The following GNAO1 variants were observed in gnomAD, a reference collection of about 807,000 sequenced individuals.
GNAO1 encodes G protein subunit alpha o1.
For missense variants in GNAO1, 166 were observed against 478.7 expected (o/e 0.35, Z 6.10); for synonymous variants, 164 against 180.7 (o/e 0.91, Z 0.74).
chr16:56,191,782 T>A lies in GNAO1; in HGVS notation c.-454T>A. 1 of 217,134 alleles carries A rather than the reference T, an allele frequency of 4.6e-6. No homozygotes were observed. Among genetic ancestry groups the A allele is most frequent in the Non-Finnish European group, 9.0e-6 (1 of 110,922 alleles). The allele number at this position is 217,134 out of a possible 1,614,324, so 13.5% of individuals were successfully genotyped here. A position where few individuals can be genotyped will look rare whatever the true frequency, so the allele number is the denominator to read the frequency against. On this transcript the variant is annotated 5_prime_UTR_variant, in exon 1 of 9. Coordinates refer to ENST00000262493, the MANE Select transcript of GNAO1 (RefSeq NM_020988.3). The surrounding 1 kb of genome is among the most constrained non-coding windows in gnomAD (Gnocchi z 4.7). ...CGCCGCCGCCTCCTCCACCTCCTCC[T>A]CCGCCGCCGCCGCCTCCTCCTCCTC...
At chr16:56,327,149 A>G (rs1368204667) in intron 3 of GNAO1, among the ~76,000 whole-genome samples, 1 of 152,048 alleles carries the variant, frequency 6.6e-6, no homozygotes, top group Non-Finnish European at 1.5e-5. Context: ...CCAGCCACTT[A>G]GTTCTGCAGA....
chr16:56,264,181 T>G (rs1295028653), intron 2 of GNAO1, among the ~76,000 whole-genome samples: 1 of 152,248 alleles, frequency 6.6e-6, no homozygotes, highest in African/African-American at 2.4e-5. Flanking sequence ...GGTTGCAGTG[T>G]TGATGGCCAA....
chr16:56,204,717 G>A (rs1402871265), intron 2 of GNAO1, among the ~76,000 whole-genome samples: 1 of 152,200 alleles, frequency 6.6e-6, no homozygotes, highest in Non-Finnish European at 1.5e-5. Flanking sequence ...AGTTTCAGTG[G>A]AGGGAGAGGG....
At position 56,203,425 on chromosome 16, in the gene GNAO1, G is replaced by A. The variant is rs1365988400; in HGVS notation, c.161+10809G>A. On this transcript the variant is annotated intron_variant, in intron 2 of 8. Coordinates refer to ENST00000262493, the MANE Select transcript of GNAO1 (RefSeq NM_020988.3). The stretch of plus-strand genomic sequence containing the variant: ...GCTCTTTTCCCTGGGATCCCAGCAA[G>A]GTCCTCACTGGGCTGGAATGATGAA... Among the ~76,000 whole-genome samples the A allele has an allele frequency of 2.0e-5, 3 of 152,218 alleles. No individual in the cohort carries two copies. In the East Asian group the frequency reaches 5.8e-4, roughly 30 times the overall value.
intron 2 of GNAO1, among the ~76,000 whole-genome samples, chr16:56,217,049 T>C (rs1366886370): frequency 6.6e-6 from 1 of 152,250 alleles, no homozygotes; most frequent in Non-Finnish European, 1.5e-5. Flanking sequence ...GACATCTTTA[T>C]TGGGCAGAAA....
intron 3 of GNAO1, 146 bp downstream of exon 3, chr16:56,276,218 C>G (rs1319295552): frequency 6.4e-6 from 4 of 629,740 alleles, no homozygotes; most frequent in Non-Finnish European, 1.0e-5. Context: ...AGTCACCAAC[C>G]TAAGCCATTG....
intron 2 of GNAO1, among the ~76,000 whole-genome samples, chr16:56,266,256 A>C (rs1412363541): frequency 6.6e-6 from 1 of 152,110 alleles, no homozygotes; most frequent in Non-Finnish European, 1.5e-5. Flanking sequence ...CTGTTAGATG[A>C]GAAGAGGAGG....
At chr16:56,306,068 C>T (rs900108015) in intron 3 of GNAO1, among the ~76,000 whole-genome samples, 1 of 152,216 alleles carries the variant, frequency 6.6e-6, no homozygotes, top group Non-Finnish European at 1.5e-5. Flanking sequence ...AGATGAAGCT[C>T]GTGGATCAGC....
chr16:56,212,677 C>T (rs2036400792), intron 2 of GNAO1, among the ~76,000 whole-genome samples: 1 of 152,176 alleles, frequency 6.6e-6, no homozygotes. Flanking sequence ...ATCTATGACA[C>T]AGGATTAAGT....
chr16:56,208,446 TGTGC>T (rs58807062), intron 2 of GNAO1, among the ~76,000 whole-genome samples: 57,439 of 136,632 alleles, frequency 0.42, 10,874 homozygotes, highest in East Asian at 0.48. Context: ...TGTGTGTGTG[TGTGC>T]GCGCGCGCGC....
chr16:56,301,612 T>C (rs1433082673), intron 3 of GNAO1: 1 of 152,186 alleles, frequency 6.6e-6, no homozygotes, highest in African/African-American at 2.4e-5. Flanking sequence ...TTTTTTTAAT[T>C]TTTCAGTTGC....
chr16:56,257,775 G>A (rs1352097348), intron 2 of GNAO1, among the ~76,000 whole-genome samples: 1 of 152,180 alleles, frequency 6.6e-6, no homozygotes, highest in Non-Finnish European at 1.5e-5. Flanking sequence ...TGAGGCTGAT[G>A]CCATTAACTG....
chr16:56,340,741 C>A, intron 6 of GNAO1: 1 of 1,143,760 alleles, frequency 8.7e-7, no homozygotes, highest in South Asian at 1.4e-5. Context: ...CATTGGTGGA[C>A]CTTCCCTTTG....
chr16:56,328,117 A>G (rs983184216), intron 3 of GNAO1, among the ~76,000 whole-genome samples: 2 of 152,144 alleles, frequency 1.3e-5, no homozygotes, highest in East Asian at 3.9e-4. Flanking sequence ...TCTCTACCGA[A>G]ACGTCTGCTC....
intron 3 of GNAO1, among the ~76,000 whole-genome samples, chr16:56,306,168 T>C (rs1204988022): frequency 6.6e-6 from 1 of 152,204 alleles, no homozygotes; most frequent in Non-Finnish European, 1.5e-5. Flanking sequence ...TCACAGGTGT[T>C]GATGGGTGTC....
At chr16:56,347,396 C>T (rs2037880600) in intron 6 of GNAO1, 5 of 985,602 alleles carry the variant, frequency 5.1e-6, no homozygotes, top group Non-Finnish European at 6.0e-6. Flanking sequence ...GGAACAGGGC[C>T]GGCGTGTGAG....
chr16:56,197,063 A>C (rs2036239867), intron 2 of GNAO1, among the ~76,000 whole-genome samples: 1 of 152,240 alleles, frequency 6.6e-6, no homozygotes, highest in Non-Finnish European at 1.5e-5. Context: ...CTTAGCCAAA[A>C]GGCTGAGAAG....
At chr16:56,350,547 T>A (rs1596881387) in intron 6 of GNAO1, among the ~76,000 whole-genome samples, 2 of 152,162 alleles carry the variant, frequency 1.3e-5, no homozygotes, top group African/African-American at 2.4e-5. Flanking sequence ...ATCACGTTCA[T>A]CCATTTGCTA....
Position 56,305,116 on chromosome 16 carries a change from C to T in GNAO1, c.304-23515C>T, listed in dbSNP as rs370119734. Among the ~76,000 whole-genome samples the T allele has an allele frequency of 3.9e-4, 60 of 152,354 alleles. No individual in the cohort carries two copies. The South Asian group carries it at 0.011, about 27-fold the overall frequency. ...GCTCTGGGCCATTTCTCCTCTGCTT[C>T]CTGACCCCACTTTCAGCTCACCCCG... On this transcript the variant is annotated intron_variant, in intron 3 of 8. Coordinates refer to ENST00000262493, the MANE Select transcript of GNAO1 (RefSeq NM_020988.3).
Sources: allele counts gnomAD v4.1 joint callset (sites outside exome capture counted in the v4.1 genomes callset), GRCh38; gene constraint gnomAD v4.1.1; non-coding constraint Gnocchi (gnomAD v3.1); transcripts MANE v1.5; gene names NCBI Gene and HGNC (gene_info 2026-07-23, HGNC 2026-07-21).